LRP8: variants seen among roughly 807,000 people sequenced by gnomAD.
LRP8 encodes the protein low-density lipoprotein receptor-related protein 8.
Under a neutral mutation model 111.6 loss-of-function variants are expected in LRP8, and 46 were observed. That is an observed-to-expected ratio of 0.41 (90% confidence interval 0.33 to 0.53). LRP8 has a LOEUF of 0.53. Ranked by LOEUF, LRP8 falls within the 20% of genes least tolerant of loss-of-function variation. The probability of loss-of-function intolerance (pLI) is 0.20; values close to 1 mark genes in which losing one functional copy is unlikely to be tolerated. For missense variants in LRP8, 959 were observed against 1,297.4 expected (o/e 0.74, Z 4.01); for synonymous variants, 464 against 511.2 (o/e 0.91, Z 1.24).
At position 53,264,224 on chromosome 1, in the gene LRP8, G is replaced by C; in HGVS notation, c.1600C>G (p.Leu534Val). The C allele has an allele frequency of 6.2e-7, 1 of 1,614,150 alleles. No homozygotes were observed. Among genetic ancestry groups the C allele is most frequent in the Non-Finnish European group, 8.5e-7 (1 of 1,180,032 alleles). Residue 534 changes from leucine to valine, a missense_variant, in exon 10 of 19, where the codon CTC (leucine) becomes GTC (valine). Around this residue, in one of 3 missense-constraint regions of LRP8, gnomAD observed 819 missense variants for 1,097.6 expected, o/e 0.75. Coordinates refer to ENST00000306052, the MANE Select transcript of LRP8 (RefSeq NM_004631.5). ...GGTTCACTGAGGTTACGGCTGAAGAGAGTGCGTCGGCGGCCACCATCAACT... is the reference window on the plus strand; with the variant it reads ...GGTTCACTGAGGTTACGGCTGAAGACAGTGCGTCGGCGGCCACCATCAACT... The part of the protein sequence containing the change: ...ATVDGGRRRT[L>V]FSRNLSEPRA...
chr1:53,326,311 C>G (rs1018200902), intron 2 of LRP8, among the ~76,000 whole-genome samples: 1 of 152,138 alleles, frequency 6.6e-6, no homozygotes, highest in Non-Finnish European at 1.5e-5. Context: ...GCGGTGCCCC[C>G]GCGCCCAGGG....
intron 2 of LRP8, among the ~76,000 whole-genome samples, chr1:53,318,488 G>T (rs1052645058): frequency 1.3e-4 from 20 of 152,134 alleles, no homozygotes; most frequent in Admixed American, 1.2e-3. Flanking sequence ...AGAGCAGAAC[G>T]GCAATGATGA....
At chr1:53,274,252 G>A (rs1646848247) in intron 6 of LRP8, among the ~76,000 whole-genome samples, 1 of 152,232 alleles carries the variant, frequency 6.6e-6, no homozygotes, top group Non-Finnish European at 1.5e-5. Context: ...GGTATGGCCT[G>A]AGCAGTGGCC....
chr1:53,275,576 C>T lies in LRP8; in HGVS notation c.1006+55G>A. On this transcript the variant is annotated intron_variant, in intron 6 of 18. Coordinates refer to ENST00000306052, the MANE Select transcript of LRP8 (RefSeq NM_004631.5). The surrounding 1 kb of genome is among the most constrained non-coding windows in gnomAD (Gnocchi z 4.4). ...CCCAACTCTGCCCTCTGGAGAGTTACCAGAGCCTAGGGCATCCTCACAGAG... is the reference window on the plus strand; with the variant it reads ...CCCAACTCTGCCCTCTGGAGAGTTATCAGAGCCTAGGGCATCCTCACAGAG... 6.2e-7 allele frequency: 1 copy of T among 1,600,690 alleles called. No individual in the cohort carries two copies. The highest frequency in any genetic ancestry group is 1.1e-5 in the South Asian group (1 of 90,302).
At position 53,279,838 on chromosome 1, in the gene LRP8, C is replaced by T. The variant is rs1451840637; in HGVS notation, c.496+749G>A. On this transcript the variant is annotated intron_variant, in intron 4 of 18. Coordinates refer to ENST00000306052, the MANE Select transcript of LRP8 (RefSeq NM_004631.5). This position sits in a 1 kb window ranked among gnomAD's most constrained non-coding sequence, Gnocchi z 4.4. ...CAGAGGGAAGACTGTGTAGGATTCA[C>T]CTCACTGTCCCTTTCAGAGCCTGGC... Among the ~76,000 whole-genome samples the T allele has an allele frequency of 2.0e-5, 3 of 152,216 alleles. No individual in the cohort carries two copies. Among genetic ancestry groups the T allele is most frequent in the Non-Finnish European group, 4.4e-5 (3 of 68,040 alleles).
In LRP8 at chr1:53,264,367, T is replaced by G. The variant is rs1646468518; in HGVS notation, c.1457A>C (p.Lys486Thr). 2 of 1,614,004 alleles carry G rather than the reference T, an allele frequency of 1.2e-6. No individual in the cohort carries two copies. Among genetic ancestry groups the G allele is most frequent in the Middle Eastern group, 1.6e-4 (1 of 6,062 alleles). ...CTCGTCAATGAGGACCTCCTGCTCT[T>G]TCGGGTCACTGGCCTTGTCCATGTA... ...SAYMDKASDP[K>T]EQEVLIDEQL... The change falls in exon 10 of 19, where the codon AAA (lysine) becomes ACA (threonine). Residue 486 changes from lysine to threonine, a missense_variant. Lys to Thr is a moderately conservative substitution (Grantham distance 78, BLOSUM62 -1). Coordinates refer to ENST00000306052, the MANE Select transcript of LRP8 (RefSeq NM_004631.5).
rs1328681393 is a variant in LRP8, at chr1:53,250,313, AAGAG to A, written c.2676+373_2676+376del. On this transcript the variant is annotated intron_variant, in intron 17 of 18. Transcript: ENST00000306052. The surrounding 1 kb of genome is among the most constrained non-coding windows in gnomAD (Gnocchi z 4.6). ...AGGTTCTGAAAATTTACTGAGCAGAAAGAGAGACATTTGGCTTTTTTTACTGCCA... is the reference window on the plus strand; with the variant it reads ...AGGTTCTGAAAATTTACTGAGCAGAAAGACATTTGGCTTTTTTTACTGCCA... Among the ~76,000 whole-genome samples, 1 of 152,240 alleles carries A rather than the reference AAGAG, an allele frequency of 6.6e-6. No individual in the cohort carries two copies. Among genetic ancestry groups the A allele is most frequent in the Non-Finnish European group, 1.5e-5 (1 of 68,050 alleles).
At chr1:53,263,569 T>G (rs1646429309) in intron 10 of LRP8, among the ~76,000 whole-genome samples, 1 of 151,982 alleles carries the variant, frequency 6.6e-6, no homozygotes, top group Non-Finnish European at 1.5e-5. Flanking sequence ...GCAACCTAGG[T>G]GGTGAGGGCC....
intron 2 of LRP8, among the ~76,000 whole-genome samples, chr1:53,306,817 G>A (rs115252812): frequency 6.6e-6 from 1 of 152,200 alleles, no homozygotes; most frequent in East Asian, 1.9e-4. Context: ...TGATCGTATT[G>A]TGATGCCATC....
At chr1:53,288,846 T>C (rs1648092129) in intron 3 of LRP8, among the ~76,000 whole-genome samples, 1 of 152,190 alleles carries the variant, frequency 6.6e-6, no homozygotes, top group South Asian at 2.1e-4. Context: ...TGTCACAGAA[T>C]GACCTGCCGG....
chr1:53,264,322 C>G lies in LRP8; in HGVS notation c.1502G>C (p.Gly501Ala), dbSNP rs1267427920. 1 of 1,614,126 alleles carries G rather than the reference C, an allele frequency of 6.2e-7. No individual in the cohort carries two copies. The highest frequency in any genetic ancestry group is 2.2e-5 in the East Asian group (1 of 44,882). Reference sequence around the variant, plus strand: ...CTTGTGGACCCAGTCCACTGCCAGGCCCTCTGGAGAGTGCAACTGCTCGTC... The same window carrying G: ...CTTGTGGACCCAGTCCACTGCCAGGGCCTCTGGAGAGTGCAACTGCTCGTC... Reference protein sequence around the residue: ...LIDEQLHSPEGLAVDWVHKHI... With the variant: ...LIDEQLHSPEALAVDWVHKHI... The change falls in exon 10 of 19, where the codon GGC becomes GCC. Residue 501 changes from glycine (G) to alanine (A), a missense_variant. Gly to Ala is a moderately conservative substitution (Grantham distance 60, BLOSUM62 0). This residue lies in a region of LRP8 where 819 missense variants were observed against 1,097.6 expected (regional missense o/e 0.75). Transcript: ENST00000306052.
At position 53,274,765 on chromosome 1, in the gene LRP8, G is replaced by A. The variant is rs776254795; in HGVS notation, c.1006+866C>T. 7.5e-5 allele frequency: 34 copies of A among 456,302 alleles called. 1 individual carries two copies. Among genetic ancestry groups the A allele is most frequent in the East Asian group, 6.3e-4 (9 of 14,398 alleles). The allele number at this position is 456,302 out of a possible 1,614,324, so 28.3% of individuals were successfully genotyped here. A position where few individuals can be genotyped will look rare whatever the true frequency, so the allele number is the denominator to read the frequency against. ...TCTGCACATCACACACTTTCCCGCC[G>A]TCCACGCGCTTGCCACTCTTACACT... On this transcript the variant is annotated intron_variant, in intron 6 of 18. Transcript: ENST00000306052.
intron 2 of LRP8, among the ~76,000 whole-genome samples, chr1:53,315,815 G>A (rs930980022): frequency 5.9e-5 from 9 of 152,208 alleles, no homozygotes; most frequent in Non-Finnish European, 1.3e-4. Flanking sequence ...TGGGGACAAG[G>A]TGAGGCTGAC....
chr1:53,247,115 T>G (rs370012513), intron 18 of LRP8, 59 bp from the exon 19 acceptor site: 2 of 1,375,358 alleles, frequency 1.5e-6, no homozygotes, highest in Middle Eastern at 1.8e-4. Flanking sequence ...ATTTATTTAG[T>G]ATTGACAAAT....
Position 53,317,122 on chromosome 1 carries a change from T to G in LRP8, c.244+9751A>C, listed in dbSNP as rs769630947. On this transcript the variant is annotated intron_variant, in intron 2 of 18. Coordinates refer to ENST00000306052, the MANE Select transcript of LRP8 (RefSeq NM_004631.5). This position sits in a 1 kb window ranked among gnomAD's most constrained non-coding sequence, Gnocchi z 4.9. Reference sequence around the variant, plus strand: ...CATGGCCGAGAAAGGGCTCTGAGAGTGTAGGGCAGCAGATGGCGGCTCAGG... The same window carrying G: ...CATGGCCGAGAAAGGGCTCTGAGAGGGTAGGGCAGCAGATGGCGGCTCAGG... Among the ~76,000 whole-genome samples, 1 of 145,636 alleles carries G rather than the reference T, an allele frequency of 6.9e-6. No individual in the cohort carries two copies. The highest frequency in any genetic ancestry group is 2.6e-5 in the African/African-American group (1 of 39,108).
intron 3 of LRP8, among the ~76,000 whole-genome samples, chr1:53,284,703 TA>T (rs553073953): frequency 4.6e-5 from 7 of 152,344 alleles, no homozygotes; most frequent in African/African-American, 1.7e-4. Context: ...TCTTTATAAT[TA>T]ATAAGACATT....
intron 9 of LRP8, among the ~76,000 whole-genome samples, chr1:53,265,690 G>T (rs1371572960): frequency 6.6e-6 from 1 of 152,204 alleles, no homozygotes; most frequent in Admixed American, 6.5e-5. Flanking sequence ...TCAGTGAGTA[G>T]CACTTGCTAT....
In LRP8 at chr1:53,262,312, A is replaced by G; in HGVS notation, c.1775-105T>C. 1.3e-6 allele frequency: 2 copies of G among 1,524,042 alleles called. No individual in the cohort carries two copies. Among genetic ancestry groups the G allele is most frequent in the Non-Finnish European group, 1.8e-6 (2 of 1,109,840 alleles). The allele number at this position is 1,524,042 out of a possible 1,614,324, so 94.4% of individuals were successfully genotyped here. A position where few individuals can be genotyped will look rare whatever the true frequency, so the allele number is the denominator to read the frequency against. ...CATTTCTAGGCCTCACACTGAGGCC[A>G]GCCTACGGCAACCATTAGGAAACAA... On this transcript the variant is annotated intron_variant, in intron 11 of 18. Coordinates refer to ENST00000306052, the MANE Select transcript of LRP8 (RefSeq NM_004631.5). This position sits in a 1 kb window ranked among gnomAD's most constrained non-coding sequence, Gnocchi z 4.8.
rs1490041820 is a variant in LRP8 at position 53,257,525 on chromosome 1, C to T, written c.2210-61G>A. On this transcript the variant is annotated intron_variant, in intron 14 of 18. Transcript: ENST00000306052. ...ATAATTTTGTTGCCTAAGGTATTGC[C>T]TCTGAGATATACTTAGGAACTTATC... 7.0e-6 allele frequency: 9 copies of T among 1,281,448 alleles called. No homozygotes were observed. The African/African-American group carries it at 1.3e-4, about 19-fold the overall frequency. The allele number at this position is 1,281,448 out of a possible 1,614,324, so 79.4% of individuals were successfully genotyped here.
Sources: allele counts gnomAD v4.1 joint callset (sites outside exome capture counted in the v4.1 genomes callset), GRCh38; gene constraint gnomAD v4.1.1; regional missense constraint gnomAD v4.1.1; non-coding constraint Gnocchi (gnomAD v3.1); transcripts MANE v1.5; gene names NCBI Gene and HGNC (gene_info 2026-07-23, HGNC 2026-07-21).